The following NAE1 variants were observed in gnomAD, a reference collection of about 807,000 sequenced individuals.
The protein encoded by NAE1 is NEDD8-activating enzyme E1 regulatory subunit.
A neutral mutation model predicts 88.0 loss-of-function variants in NAE1; 59 were observed. The ratio of observed to expected loss-of-function variants is 0.67; its 90% CI spans 0.54 to 0.83. The LOEUF is 0.83. Ranked by LOEUF, NAE1 falls within the 40% of genes least tolerant of loss-of-function variation. The pLI is 0.00. For synonymous variants in NAE1, 186 were observed against 208.9 expected (o/e 0.89, Z 0.95); for missense variants, 554 against 632.8 (o/e 0.88, Z 1.34).
chr16:66,820,587 G>C (rs970958895), intron 7 of NAE1, among the ~76,000 whole-genome samples: 4 of 151,402 alleles, frequency 2.6e-5, no homozygotes, highest in African/African-American at 9.7e-5. Context: ...GTGAAATCCT[G>C]TCTCTACTAA....
chr16:66,823,618 A>G lies in NAE1; in HGVS notation c.250-18T>C, dbSNP rs780990401. 6.3e-7 allele frequency: 1 copy of G among 1,581,506 alleles called. No individual in the cohort carries two copies. Among genetic ancestry groups the G allele is most frequent in the Non-Finnish European group, 8.6e-7 (1 of 1,169,328 alleles). ...GCTCGGTTCTTTTTAAAAACAAAGC[A>G]TTTAACTTGAATTAGAAAAAACTTG... is the stretch of plus-strand genomic sequence containing the variant. On this transcript the variant is annotated intron_variant, in intron 4 of 19. Coordinates refer to ENST00000290810, the MANE Select transcript of NAE1 (RefSeq NM_003905.4).
At chr16:66,814,025 A>C (rs1221373632) in intron 11 of NAE1, among the ~76,000 whole-genome samples, 179 bp from the exon 12 acceptor site, 1 of 152,190 alleles carries the variant, frequency 6.6e-6, no homozygotes, top group African/African-American at 2.4e-5. Flanking sequence ...ATGGGGAAAG[A>C]ATGGAAGAAA....
intron 17 of NAE1, among the ~76,000 whole-genome samples, chr16:66,807,320 T>C (rs188904881): frequency 2.1e-4 from 32 of 152,344 alleles, no homozygotes; most frequent in Admixed American, 5.2e-4. Context: ...ATTCTTTTTT[T>C]TTCTTCTAGT....
In NAE1 at chr16:66,816,430, G is replaced by A. The variant is rs750822466; in HGVS notation, c.840+151C>T. 6 of 612,628 alleles carry A rather than the reference G, an allele frequency of 9.8e-6. No homozygotes were observed. In the Middle Eastern group the frequency reaches 1.4e-3, roughly 140 times the overall value. 37.9% of individuals were successfully genotyped at this position (612,628 alleles called of 1,614,324 possible). A position where few individuals can be genotyped will look rare whatever the true frequency, so the allele number is the denominator to read the frequency against. ...TCCACCCGCCTCAGCCTCCCAAAGT[G>A]CTGGGATGAGCCAGCATGCCCGGCC... On this transcript the variant is annotated intron_variant, in intron 11 of 19. Transcript: ENST00000290810.
rs182940235 is a variant in NAE1 at position 66,826,588 on chromosome 16, G to C, written c.158-5C>G. 1.2e-3 allele frequency: 2,014 copies of C among 1,614,080 alleles called. 5 individuals carry two copies. The highest frequency in any genetic ancestry group is 2.0e-3 in the South Asian group (180 of 91,064). On this transcript the variant is annotated splice_region_variant and splice_polypyrimidine_tract_variant and intron_variant, in intron 2 of 19. Coordinates refer to ENST00000290810, the MANE Select transcript of NAE1 (RefSeq NM_003905.4). ...TAATTGTAAACGAACCAATACCTGAGAGCCAAAACAGAGTCAGTCAGGAAT... is the reference window on the plus strand; with the variant it reads ...TAATTGTAAACGAACCAATACCTGACAGCCAAAACAGAGTCAGTCAGGAAT...
At chr16:66,818,042 A>T (rs995611327) in intron 8 of NAE1, among the ~76,000 whole-genome samples, 1 of 152,176 alleles carries the variant, frequency 6.6e-6, no homozygotes, top group African/African-American at 2.4e-5. Flanking sequence ...ATGTGAAATA[A>T]GCACATCATG....
intron 7 of NAE1, among the ~76,000 whole-genome samples, chr16:66,820,549 G>T (rs1960208815): frequency 6.6e-6 from 1 of 152,080 alleles, no homozygotes; most frequent in Non-Finnish European, 1.5e-5. Context: ...CCTGAGGTCA[G>T]GAGTTCGAGA....
At position 66,827,744 on chromosome 16, in the gene NAE1, C is replaced by T. The variant is rs116564451; in HGVS notation, c.54-964G>A. Among the ~76,000 whole-genome samples, 170 of 152,284 alleles carry T rather than the reference C, an allele frequency of 1.1e-3. 1 individual carries two copies. The highest frequency in any genetic ancestry group is 4.0e-3 in the African/African-American group (166 of 41,558). On this transcript the variant is annotated intron_variant, in intron 1 of 19. Coordinates refer to ENST00000290810, the MANE Select transcript of NAE1 (RefSeq NM_003905.4). ...GCTTTAAAGTATATTACCCAATGAA[C>T]ATTCTAATAGAGTGATTAATGTGCC... is the stretch of plus-strand genomic sequence containing the variant.
intron 6 of NAE1, 110 bp downstream of exon 6, chr16:66,823,117 T>A: frequency 3.7e-6 from 2 of 537,586 alleles, no homozygotes; most frequent in Non-Finnish European, 5.9e-6. Context: ...TTAAAGTTTC[T>A]ATAGAATTTA....
At position 66,805,927 on chromosome 16, in the gene NAE1, T is replaced by A; in HGVS notation, c.1430A>T (p.Asp477Val). The stretch of plus-strand genomic sequence containing the variant: ...AAATACTCACAATTCGTGGACATAA[T>A]CATCTTTCACCATTACAGATAAACC... ...EYGLSVMVKD[D>V]YVHEFCRYGA... Residue 477 changes from aspartate (D) to valine (V), a missense_variant, in exon 18 of 20, where the codon GAT becomes GTT. Transcript: ENST00000290810. 1 of 1,610,822 alleles carries A rather than the reference T, an allele frequency of 6.2e-7. No individual in the cohort carries two copies.
chr16:66,817,410 T>TA lies in NAE1; in HGVS notation c.684+14dup. 1.3e-6 allele frequency: 2 copies of TA among 1,584,664 alleles called. No homozygotes were observed. The highest frequency in any genetic ancestry group is 1.1e-5 in the South Asian group (1 of 89,600). On this transcript the variant is annotated intron_variant, in intron 9 of 19. Transcript: ENST00000290810. ...ATACAGTTGCATATGAAATTTTTTTTAAAAAAGGACATACTTCACTATACC... is the reference window on the plus strand; with the variant it reads ...ATACAGTTGCATATGAAATTTTTTTTAAAAAAAGGACATACTTCACTATACC...
In NAE1 at chr16:66,823,291, G is replaced by C. The variant is rs1473031485; in HGVS notation, c.337C>G (p.Leu113Val). The change falls in exon 6 of 20, where the codon CTA (leucine) becomes GTA (valine). Residue 113 changes from leucine (L) to valine (V), a missense_variant. Transcript: ENST00000290810. Reference sequence around the variant, plus strand: ...CAGAAAAATGAGGGATCATTGTCTAGAAGGTTTTCTGGACTCTAAACAGGA... The same window carrying C: ...CAGAAAAATGAGGGATCATTGTCTACAAGGTTTTCTGGACTCTAAACAGGA... ...SFVEESPENL[L>V]DNDPSFFCRF... 2 of 1,602,250 alleles carry C rather than the reference G, an allele frequency of 1.2e-6. No individual in the cohort carries two copies. Among genetic ancestry groups the C allele is most frequent in the Non-Finnish European group, 1.7e-6 (2 of 1,176,162 alleles).
chr16:66,821,562 G>GT lies in NAE1; in HGVS notation c.402-4dup. On this transcript the variant is annotated splice_region_variant and splice_polypyrimidine_tract_variant and intron_variant, in intron 6 of 19. Transcript: ENST00000290810. ...CATCTGCTAAGCGTAGTGAAGTGCT[G>GT]TTTAAAAAAAAAAAGCAAAATATGA... 2 of 1,544,020 alleles carry GT rather than the reference G, an allele frequency of 1.3e-6. No individual in the cohort carries two copies. The highest frequency in any genetic ancestry group is 1.4e-5 in the African/African-American group (1 of 71,100).
intron 17 of NAE1, 106 bp from the exon 18 acceptor site, chr16:66,806,132 A>T (rs1400676511): frequency 3.9e-6 from 5 of 1,282,986 alleles, no homozygotes; most frequent in Non-Finnish European, 4.1e-6. Flanking sequence ...TATGTATGAA[A>T]CTGAAGAACA....
At chr16:66,803,506 A>T (rs1039537003) in intron 19 of NAE1, among the ~76,000 whole-genome samples, 2 of 152,202 alleles carry the variant, frequency 1.3e-5, no homozygotes, top group African/African-American at 2.4e-5. Flanking sequence ...ATATTTACTC[A>T]AAACAAAAAA....
At chr16:66,810,136 C>T (rs1051150031) in intron 15 of NAE1, among the ~76,000 whole-genome samples, 2 of 151,938 alleles carry the variant, frequency 1.3e-5, no homozygotes, top group Non-Finnish European at 2.9e-5. Flanking sequence ...ATTAACTGAC[C>T]GTCAAGCCTT....
chr16:66,808,077 A>C (rs958090581), intron 17 of NAE1, among the ~76,000 whole-genome samples: 1 of 152,090 alleles, frequency 6.6e-6, no homozygotes, highest in Admixed American at 6.5e-5. Context: ...TCTTCAGTAG[A>C]GATGGGGTTC....
Position 66,813,558 on chromosome 16 carries a change from A to C in NAE1, c.1034+6T>G. The stretch of plus-strand genomic sequence containing the variant: ...TCTATTACATAGTTTGAAAACAGTG[A>C]CATACACGTTTTGCAGTTTTATATA... On this transcript the variant is annotated splice_donor_region_variant and intron_variant, in intron 13 of 19. Transcript: ENST00000290810. 21 of 1,606,384 alleles carry C rather than the reference A, an allele frequency of 1.3e-5. No individual in the cohort carries two copies. Among genetic ancestry groups the C allele is most frequent in the Non-Finnish European group, 1.7e-5 (20 of 1,176,518 alleles).
chr16:66,826,921 G>T, intron 1 of NAE1, 141 bp from the exon 2 acceptor site: 1 of 726,810 alleles, frequency 1.4e-6, no homozygotes, highest in Non-Finnish European at 2.2e-6. Flanking sequence ...ACAGATATTA[G>T]TATAGTGATT....
Sources: gnomAD v4.1 joint callset for allele counts (sites outside exome capture counted in the v4.1 genomes callset) on GRCh38, gnomAD v4.1.1 for gene constraint, MANE v1.5 for transcripts, NCBI Gene and HGNC (gene_info 2026-07-23, HGNC 2026-07-21) for gene names.